The following DCTN5 variants were observed in gnomAD, a reference collection of about 807,000 sequenced individuals.
DCTN5 encodes dynactin subunit 5.
DCTN5 carries 14 observed loss-of-function variants against 23.5 expected under a neutral mutation model. The observed-to-expected ratio is 0.60, with a 90% CI of 0.39 to 0.93. The LOEUF (loss-of-function observed/expected upper bound fraction) is 0.93, where lower values mean the gene tolerates loss of function less well. Among genes scored for constraint, DCTN5 ranks in the 40% least tolerant of loss-of-function variants. The pLI is 0.00. For missense variants in DCTN5, 156 were observed against 225.9 expected (o/e 0.69, Z 1.98); for synonymous variants, 67 against 79.6 (o/e 0.84, Z 0.84).
intron 2 of DCTN5, among the ~76,000 whole-genome samples, chr16:23,645,117 A>ATTTT (rs1967415635): frequency 2.7e-5 from 1 of 36,668 alleles, no homozygotes; most frequent in Admixed American, 3.4e-4. Flanking sequence ...ATATATATAT[A>ATTTT]TATATATATA....
intron 3 of DCTN5, 115 bp downstream of exon 3, chr16:23,658,740 T>C (rs1001759141): frequency 2.6e-6 from 2 of 783,440 alleles, no homozygotes; most frequent in Non-Finnish European, 4.4e-6. Context: ...AAGCACTGAG[T>C]AAGAGTTCAC....
chr16:23,648,735 T>C (rs1221769734), intron 2 of DCTN5, among the ~76,000 whole-genome samples: 1 of 152,060 alleles, frequency 6.6e-6, no homozygotes, highest in Non-Finnish European at 1.5e-5. Context: ...GTATAAGAGT[T>C]TCCTTTTCTC....
At chr16:23,647,788 A>G (rs1475909250) in intron 2 of DCTN5, among the ~76,000 whole-genome samples, 2 of 152,094 alleles carry the variant, frequency 1.3e-5, no homozygotes, top group Non-Finnish European at 2.9e-5. Flanking sequence ...GATTACAGGC[A>G]TGAGCCACCA....
chr16:23,660,916 A>G (rs1009582266), intron 3 of DCTN5, among the ~76,000 whole-genome samples: 1 of 152,190 alleles, frequency 6.6e-6, no homozygotes, highest in Non-Finnish European at 1.5e-5. Flanking sequence ...CTGCTCTTTT[A>G]GCTTTGAAGA....
At chr16:23,662,578 G>A (rs1390253465) in intron 4 of DCTN5, among the ~76,000 whole-genome samples, 1 of 152,212 alleles carries the variant, frequency 6.6e-6, no homozygotes, top group Non-Finnish European at 1.5e-5. Flanking sequence ...TATGGAGCCA[G>A]CTCTCTGCCC....
At chr16:23,653,495 C>T (rs757366461) in intron 2 of DCTN5, among the ~76,000 whole-genome samples, 3 of 152,078 alleles carry the variant, frequency 2.0e-5, no homozygotes, top group Non-Finnish European at 4.4e-5. Context: ...AACTGGCTAG[C>T]CATATGGAGA....
intron 2 of DCTN5, among the ~76,000 whole-genome samples, chr16:23,645,132 TATATA>T (rs1295602841): frequency 2.4e-3 from 88 of 36,768 alleles, no homozygotes; most frequent in Non-Finnish European, 3.2e-3. Flanking sequence ...TATATATATA[TATATA>T]TTTTTTTTTT....
At position 23,641,496 on chromosome 16, in the gene DCTN5, CG is replaced by C. The variant is rs1567226343; in HGVS notation, c.-46del. The stretch of plus-strand genomic sequence containing the variant: ...TAGCCGGAATCTCTGAAAGACTGAC[CG>C]ACTGACTCTGACAGGATCCGGGGCT... On this transcript the variant is annotated 5_prime_UTR_variant, in exon 1 of 6. Coordinates refer to ENST00000300087, the MANE Select transcript of DCTN5 (RefSeq NM_032486.4). 1 of 1,611,940 alleles carries C rather than the reference CG, an allele frequency of 6.2e-7. No individual in the cohort carries two copies. The highest frequency in any genetic ancestry group is 1.7e-5 in the Admixed American group (1 of 59,968).
Position 23,674,617 on chromosome 16 carries a change from G to A in DCTN5, c.*7473G>A, listed in dbSNP as rs182255556. 42 of 152,312 alleles carry A rather than the reference G, an allele frequency of 2.8e-4. No homozygotes were observed. Among genetic ancestry groups the A allele is most frequent in the African/African-American group, 8.9e-4 (37 of 41,570 alleles). 9.4% of individuals were successfully genotyped at this position (152,312 alleles called of 1,614,324 possible). On this transcript the variant is annotated 3_prime_UTR_variant, in exon 6 of 6. Transcript: ENST00000300087. The stretch of plus-strand genomic sequence containing the variant: ...AGTAAGGTAGGTGGATTATTAAAAC[G>A]TAGCTGTCCCCAGAAAGGTATTAGG...
At chr16:23,666,663 G>A (rs1399700733) in intron 5 of DCTN5, 2 of 316,942 alleles carry the variant, frequency 6.3e-6, no homozygotes, top group African/African-American at 2.1e-5. Flanking sequence ...GACAGTATAT[G>A]ATACCTACCA....
intron 2 of DCTN5, among the ~76,000 whole-genome samples, 190 bp from the exon 3 acceptor site, chr16:23,658,317 C>T (rs1469770642): frequency 6.6e-6 from 1 of 152,206 alleles, no homozygotes; most frequent in Non-Finnish European, 1.5e-5. Context: ...AGGAACATCA[C>T]TAACTGCAGT....
Position 23,675,553 on chromosome 16 carries a change from A to G in DCTN5, c.*8409A>G, listed in dbSNP as rs1968073530. The G allele has an allele frequency of 6.6e-6, 1 of 152,186 alleles. No individual in the cohort carries two copies. Among genetic ancestry groups the G allele is most frequent in the South Asian group, 2.1e-4 (1 of 4,830 alleles). 9.4% of individuals were successfully genotyped at this position (152,186 alleles called of 1,614,324 possible). A position where few individuals can be genotyped will look rare whatever the true frequency, so the allele number is the denominator to read the frequency against. On this transcript the variant is annotated 3_prime_UTR_variant, in exon 6 of 6. Transcript: ENST00000300087. ...AAAAATGCTTTTGTGCCTCTTACAT[A>G]CAACCCTTCCAGAGGAAAGGCCTAG...
chr16:23,647,388 G>A (rs752194760), intron 2 of DCTN5, among the ~76,000 whole-genome samples: 6 of 152,078 alleles, frequency 3.9e-5, no homozygotes, highest in Non-Finnish European at 8.8e-5. Context: ...GGGATTACAG[G>A]TGTGAACCAC....
intron 3 of DCTN5, among the ~76,000 whole-genome samples, chr16:23,659,307 A>G (rs573978728): frequency 7.3e-4 from 111 of 152,348 alleles, no homozygotes; most frequent in Middle Eastern, 6.8e-3. Flanking sequence ...GGCCAGGGAC[A>G]GAGCAGGCAA....
intron 4 of DCTN5, among the ~76,000 whole-genome samples, chr16:23,664,996 G>C (rs137958740): frequency 0.01 from 1,597 of 152,160 alleles, 30 homozygotes; most frequent in African/African-American, 0.037. Context: ...CTCCATCTCT[G>C]TGCTGCTTTC....
chr16:23,650,982 A>G (rs1204271287), intron 2 of DCTN5: 2 of 1,401,136 alleles, frequency 1.4e-6, no homozygotes, highest in African/African-American at 2.9e-5. Context: ...ATTCTTTTTC[A>G]AAAGCAACTG....
intron 4 of DCTN5, 103 bp downstream of exon 4, chr16:23,661,384 GGT>G: frequency 1.3e-6 from 1 of 772,790 alleles, no homozygotes; most frequent in Non-Finnish European, 2.1e-6. Context: ...GGGTAGCAGT[GGT>G]TTCCAGTCTT....
intron 2 of DCTN5, among the ~76,000 whole-genome samples, chr16:23,656,052 T>C (rs1304160091): frequency 1.3e-5 from 2 of 152,088 alleles, no homozygotes; most frequent in African/African-American, 2.4e-5. Context: ...AGCAAGACCA[T>C]GTCTCTACAA....
chr16:23,641,691 C>A, intron 1 of DCTN5, 101 bp downstream of exon 1: 1 of 1,256,860 alleles, frequency 8.0e-7, no homozygotes. Context: ...ACCCCTGTCC[C>A]TTTGGCCATT....
Sources: gnomAD v4.1 joint callset for allele counts (sites outside exome capture counted in the v4.1 genomes callset) on GRCh38, gnomAD v4.1.1 for gene constraint, MANE v1.5 for transcripts, NCBI Gene and HGNC (gene_info 2026-07-23, HGNC 2026-07-21) for gene names.